The following HCN1 variants were observed in gnomAD, a reference collection of about 807,000 sequenced individuals.
HCN1 encodes hyperpolarization activated cyclic nucleotide gated potassium channel 1.
Under a neutral mutation model 78.9 loss-of-function variants are expected in HCN1, and 13 were observed. That is an observed-to-expected ratio of 0.16 (90% CI 0.11 to 0.26). The LOEUF (loss-of-function observed/expected upper bound fraction) is 0.26. Among genes scored for constraint, HCN1 ranks in the 10% least tolerant of loss-of-function variants. The pLI, the probability that HCN1 is intolerant of heterozygous loss-of-function variation, is 1.00. For missense variants in HCN1, 810 were observed against 1,154.3 expected (o/e 0.70, Z 4.32); for synonymous variants, 552 against 455.5 (o/e 1.21, Z -2.70).
chr5:45,659,451 G>A (rs1472375161), intron 1 of HCN1, among the ~76,000 whole-genome samples: 1 of 109,516 alleles, frequency 9.1e-6, no homozygotes, highest in East Asian at 2.8e-4. Context: ...AAAGCTGGAT[G>A]GAGAATGATT....
chr5:45,420,058 T>C (rs1740196935), intron 3 of HCN1, among the ~76,000 whole-genome samples: 1 of 152,200 alleles, frequency 6.6e-6, no homozygotes. Flanking sequence ...CTATCACTAA[T>C]AAATCTATGC....
chr5:45,599,777 T>A (rs1276394031), intron 2 of HCN1, among the ~76,000 whole-genome samples: 1 of 152,122 alleles, frequency 6.6e-6, no homozygotes, highest in African/African-American at 2.4e-5. Flanking sequence ...ATCAATTAAG[T>A]TGTCTCTGCA....
chr5:45,656,661 T>G (rs1745768798), intron 1 of HCN1, among the ~76,000 whole-genome samples: 1 of 152,192 alleles, frequency 6.6e-6, no homozygotes. Context: ...TTGCTCCTAA[T>G]ATATTTTCAA....
chr5:45,368,956 AAAGT>A (rs1156570008), intron 4 of HCN1, among the ~76,000 whole-genome samples: 1 of 151,978 alleles, frequency 6.6e-6, no homozygotes, highest in Non-Finnish European at 1.5e-5. Flanking sequence ...ATCCGTTCCA[AAAGT>A]TCCCTCATTC....
intron 1 of HCN1, among the ~76,000 whole-genome samples, chr5:45,652,347 A>G (rs1338805458): frequency 6.6e-6 from 1 of 151,910 alleles, no homozygotes; most frequent in East Asian, 1.9e-4. Context: ...ATGACTCTAC[A>G]TTATAATAAT....
intron 2 of HCN1, among the ~76,000 whole-genome samples, chr5:45,628,756 C>A (rs1431143395): frequency 6.6e-6 from 1 of 151,850 alleles, no homozygotes; most frequent in Non-Finnish European, 1.5e-5. Flanking sequence ...CGGTGGGTCA[C>A]CTGTCAGGAG....
chr5:45,627,067 A>C (rs1745179155), intron 2 of HCN1, among the ~76,000 whole-genome samples: 2 of 151,944 alleles, frequency 1.3e-5, no homozygotes, highest in South Asian at 4.1e-4. Flanking sequence ...TTCTGTTCCA[A>C]ATATATTTCT....
intron 5 of HCN1, among the ~76,000 whole-genome samples, chr5:45,326,354 T>G (rs1746233350): frequency 6.6e-6 from 1 of 151,698 alleles, no homozygotes; most frequent in Non-Finnish European, 1.5e-5. Context: ...GTAACCATAA[T>G]GTATATTCAA....
intron 1 of HCN1, among the ~76,000 whole-genome samples, chr5:45,664,472 GAA>G (rs755491134): frequency 1.2e-4 from 15 of 122,456 alleles, no homozygotes; most frequent in African/African-American, 3.9e-4. Flanking sequence ...ATAAAAAAAA[GAA>G]AAAAAAAAAA....
chr5:45,579,753 T>A (rs2111918007), intron 2 of HCN1, among the ~76,000 whole-genome samples: 1 of 152,078 alleles, frequency 6.6e-6, no homozygotes, highest in Middle Eastern at 3.4e-3. Flanking sequence ...TAATAAGTAA[T>A]CTCTGAAATA....
intron 5 of HCN1, among the ~76,000 whole-genome samples, chr5:45,329,643 T>A (rs1004981046): frequency 1.3e-5 from 2 of 151,478 alleles, no homozygotes; most frequent in African/African-American, 2.4e-5. Flanking sequence ...CAATGACTCA[T>A]ATACATTTAT....
intron 4 of HCN1, among the ~76,000 whole-genome samples, chr5:45,376,263 A>ATAGATTCTATATTCTATATAGATTC (rs1747666995): frequency 7.4e-6 from 1 of 134,650 alleles, no homozygotes; most frequent in African/African-American, 2.8e-5. Context: ...AATATAGAAT[A>ATAGATTCTATATTCTATATAGATTC]TATATTCTAT....
intron 5 of HCN1, among the ~76,000 whole-genome samples, chr5:45,339,478 A>AAGCATTAATG (rs1399791450): frequency 6.6e-6 from 1 of 152,172 alleles, no homozygotes; most frequent in Non-Finnish European, 1.5e-5. Flanking sequence ...TACTCTATAG[A>AAGCATTAATG]TGAAGCATTA....
At chr5:45,573,474 C>T (rs546604724) in intron 2 of HCN1, among the ~76,000 whole-genome samples, 1 of 119,320 alleles carries the variant, frequency 8.4e-6, no homozygotes, top group African/African-American at 4.0e-5. Context: ...AACCTCCCCC[C>T]ACCCCGAAAA....
chr5:45,504,473 C>T (rs139608285), intron 2 of HCN1, among the ~76,000 whole-genome samples: 2 of 152,100 alleles, frequency 1.3e-5, no homozygotes, highest in Admixed American at 6.6e-5. Context: ...TGTATATGTG[C>T]CACATTTTCT....
chr5:45,682,198 CCA>C (rs368809570), intron 1 of HCN1, among the ~76,000 whole-genome samples: 19 of 150,516 alleles, frequency 1.3e-4, no homozygotes, highest in African/African-American at 3.9e-4. Context: ...TGTTTATAAT[CCA>C]CACAGTCTAT....
At chr5:45,474,540 G>A (rs539890630) in intron 2 of HCN1, among the ~76,000 whole-genome samples, 2 of 151,796 alleles carry the variant, frequency 1.3e-5, no homozygotes, top group South Asian at 2.1e-4. Flanking sequence ...TAAAACATAA[G>A]TATGATGATG....
chr5:45,557,938 A>G (rs1261678716), intron 2 of HCN1: 1 of 152,068 alleles, frequency 6.6e-6, no homozygotes, highest in East Asian at 1.9e-4. Context: ...TAGGTGTCCA[A>G]GTGAAAGGCA....
At chr5:45,375,724 C>CATATTTTATGATACATATTATATATAAT (rs1747619187) in intron 4 of HCN1, among the ~76,000 whole-genome samples, 1 of 108,356 alleles carries the variant, frequency 9.2e-6, no homozygotes, top group African/African-American at 4.2e-5. Flanking sequence ...TATATAATAT[C>CATATTTTATGATACATATTATATATAAT]ATATTTTATG....
Sources: gnomAD v4.1 joint callset for allele counts (sites outside exome capture counted in the v4.1 genomes callset) on GRCh38, gnomAD v4.1.1 for gene constraint, MANE v1.5 for transcripts, NCBI Gene and HGNC (gene_info 2026-07-23, HGNC 2026-07-21) for gene names.